EPHB2: variants seen among roughly 807,000 people sequenced by gnomAD.
The protein encoded by EPHB2 is EPH receptor B2, also known as ephrin type-B receptor 2.
EPHB2 carries 18 observed loss-of-function variants against 96.4 expected under a neutral mutation model. That is an observed-to-expected ratio of 0.19 (90% CI 0.13 to 0.28). The LOEUF is 0.28. Ranked by LOEUF, EPHB2 falls within the 10% of genes least tolerant of loss-of-function variation. EPHB2 has a pLI of 1.00. For synonymous variants in EPHB2, 506 were observed against 534.1 expected, an observed-to-expected ratio of 0.95 and a Z score of 0.72; for missense variants, 989 against 1,355.4, an observed-to-expected ratio of 0.73 and a Z score of 4.25.
At chr1:22,843,827 C>T (rs1304831001) in intron 3 of EPHB2, among the ~76,000 whole-genome samples, 1 of 152,260 alleles carries the variant, frequency 6.6e-6, no homozygotes, top group Non-Finnish European at 1.5e-5. Context: ...AGGCGTGGGC[C>T]ACCGTACCCA....
intron 3 of EPHB2, among the ~76,000 whole-genome samples, chr1:22,834,146 G>A (rs568359008): frequency 6.6e-6 from 1 of 152,168 alleles, no homozygotes; most frequent in Non-Finnish European, 1.5e-5. Context: ...AATGGAGTAA[G>A]TAGACACAAA....
At position 22,914,964 on chromosome 1, in the gene EPHB2, A is replaced by C. The variant is rs1414092140; in HGVS notation, c.*1394A>C. On this transcript the variant is annotated 3_prime_UTR_variant, in exon 16 of 16. Transcript: ENST00000374630. Reference sequence around the variant, plus strand: ...AATCTATCTAGTACTTCCCAGGCAAATAGGCCCCTTTGAGGCTCCTGAGTG... The same window carrying C: ...AATCTATCTAGTACTTCCCAGGCAACTAGGCCCCTTTGAGGCTCCTGAGTG... 1 of 152,554 alleles carries C rather than the reference A, an allele frequency of 6.6e-6. No homozygotes were observed. The highest frequency in any genetic ancestry group is 2.4e-5 in the African/African-American group (1 of 41,432). 9.5% of individuals were successfully genotyped at this position (152,554 alleles called of 1,614,324 possible).
At chr1:22,802,828 T>C (rs527466498) in intron 3 of EPHB2, among the ~76,000 whole-genome samples, 4 of 152,130 alleles carry the variant, frequency 2.6e-5, no homozygotes, top group Non-Finnish European at 5.9e-5. Flanking sequence ...CCCCTGCCCC[T>C]CTAGAAATGT....
rs1196878617 is a variant in EPHB2, at chr1:22,733,176, G to A, written c.61+22133G>A. ...CGATTCTCCTGCCTCAGCCTCCTGA[G>A]TAGCTGGGATTACAGGTGCCTGCCA... On this transcript the variant is annotated intron_variant, in intron 1 of 15. Coordinates refer to ENST00000374630, the MANE Select transcript of EPHB2 (RefSeq NM_017449.5). The surrounding 1 kb of genome is among the most constrained non-coding windows in gnomAD (Gnocchi z 4.6). Among the ~76,000 whole-genome samples, 5 of 152,114 alleles carry A rather than the reference G, an allele frequency of 3.3e-5. No individual in the cohort carries two copies. Among genetic ancestry groups the A allele is most frequent in the Non-Finnish European group, 7.4e-5 (5 of 68,026 alleles).
rs1645550662 is a variant in EPHB2, at chr1:22,846,846, G to C, written c.812-16191G>C. Among the ~76,000 whole-genome samples, 1 of 152,166 alleles carries C rather than the reference G, an allele frequency of 6.6e-6. No homozygotes were observed. Among genetic ancestry groups the C allele is most frequent in the Non-Finnish European group, 1.5e-5 (1 of 68,030 alleles). ...CCTCCTCTGGGCTTCCAGACCCAGC[G>C]CCTCTTCCCCACAGGCTTCCCCAGA... On this transcript the variant is annotated intron_variant, in intron 3 of 15. Transcript: ENST00000374630. This position sits in a 1 kb window ranked among gnomAD's most constrained non-coding sequence, Gnocchi z 4.3.
intron 1 of EPHB2, among the ~76,000 whole-genome samples, chr1:22,780,346 C>A (rs999416926): frequency 6.6e-6 from 1 of 152,148 alleles, no homozygotes; most frequent in Non-Finnish European, 1.5e-5. Context: ...GGTCCAGGTG[C>A]TGACATGTCT....
chr1:22,723,883 C>T (rs954280679), intron 1 of EPHB2, among the ~76,000 whole-genome samples: 2 of 152,188 alleles, frequency 1.3e-5, no homozygotes, highest in South Asian at 2.1e-4. Flanking sequence ...AGTAATAATA[C>T]CAGCAGCAAC....
At chr1:22,719,694 T>G (rs1643390376) in intron 1 of EPHB2, 2 of 152,158 alleles carry the variant, frequency 1.3e-5, no homozygotes, top group African/African-American at 4.8e-5. Flanking sequence ...GCCTCAGCTC[T>G]CTCTTCTATA....
chr1:22,883,773 C>T (rs987991450), intron 6 of EPHB2, among the ~76,000 whole-genome samples: 117 of 152,290 alleles, frequency 7.7e-4, no homozygotes, highest in African/African-American at 2.8e-3. Flanking sequence ...CCATTGCTTG[C>T]GTGCGTGTTC....
chr1:22,779,843 A>G (rs1047200779), intron 1 of EPHB2, among the ~76,000 whole-genome samples: 1 of 152,214 alleles, frequency 6.6e-6, no homozygotes, highest in Non-Finnish European at 1.5e-5. Context: ...ATGTGGCCAC[A>G]GTATGGGGAC....
intron 1 of EPHB2, among the ~76,000 whole-genome samples, chr1:22,723,811 G>A (rs1280764634): frequency 1.3e-5 from 2 of 152,204 alleles, no homozygotes; most frequent in East Asian, 1.9e-4. Context: ...TTTTAAAGCA[G>A]TTGTTTTACC....
chr1:22,912,181 T>C (rs1640123986), intron 14 of EPHB2, among the ~76,000 whole-genome samples: 1 of 152,180 alleles, frequency 6.6e-6, no homozygotes, highest in African/African-American at 2.4e-5. Context: ...GTGCCTTCCC[T>C]AGACTTCCCA....
intron 3 of EPHB2, among the ~76,000 whole-genome samples, chr1:22,857,384 A>G (rs1184306162): frequency 2.0e-5 from 3 of 152,112 alleles, no homozygotes; most frequent in South Asian, 2.1e-4. Flanking sequence ...AAAAGTGGGC[A>G]CACACATCAG....
chr1:22,912,837 C>T (rs1279233260), intron 15 of EPHB2: 3 of 559,190 alleles, frequency 5.4e-6, no homozygotes, highest in East Asian at 3.4e-5. Context: ...TCCGTTTTCT[C>T]ACCTACAAAC....
At position 22,913,936 on chromosome 1, in the gene EPHB2, C is replaced by T. The variant is rs751988724; in HGVS notation, c.*366C>T. The T allele has an allele frequency of 1.3e-5, 20 of 1,484,594 alleles. No individual in the cohort carries two copies. The highest frequency in any genetic ancestry group is 1.7e-5 in the Non-Finnish European group (19 of 1,118,180). 92.0% of individuals were successfully genotyped at this position (1,484,594 alleles called of 1,614,324 possible). A position where few individuals can be genotyped will look rare whatever the true frequency, so the allele number is the denominator to read the frequency against. ...ACAAAAGCAGTTTCTCTCCAACTCC[C>T]TCTGGGAAGGTGACCTGGCCAGAGC... On this transcript the variant is annotated 3_prime_UTR_variant, in exon 16 of 16. Coordinates refer to ENST00000374630, the MANE Select transcript of EPHB2 (RefSeq NM_017449.5). This position sits in a 1 kb window ranked among gnomAD's most constrained non-coding sequence, Gnocchi z 4.1.
At chr1:22,804,611 GC>G (rs1553165905) in intron 3 of EPHB2, among the ~76,000 whole-genome samples, 2 of 147,302 alleles carry the variant, frequency 1.4e-5, no homozygotes, top group Non-Finnish European at 3.0e-5. Context: ...GCCCCACCCT[GC>G]CCTGCTCAGT....
intron 3 of EPHB2, among the ~76,000 whole-genome samples, chr1:22,850,514 C>T (rs1020079479): frequency 6.6e-6 from 1 of 152,236 alleles, no homozygotes. Context: ...GGGCCTGGGC[C>T]TGGCCCTGCC....
intron 5 of EPHB2, among the ~76,000 whole-genome samples, chr1:22,869,895 G>A (rs1013272982): frequency 8.5e-5 from 13 of 152,130 alleles, no homozygotes; most frequent in African/African-American, 2.4e-4. Flanking sequence ...ATCGGCACTC[G>A]CAGCACACAA....
chr1:22,823,372 T>C lies in EPHB2; in HGVS notation c.811+38296T>C, dbSNP rs919761807. Among the ~76,000 whole-genome samples the C allele has an allele frequency of 2.6e-5, 4 of 152,384 alleles. No homozygotes were observed. In the East Asian group the frequency reaches 7.7e-4, roughly 29 times the overall value. On this transcript the variant is annotated intron_variant, in intron 3 of 15. Transcript: ENST00000374630. ...AGAACACTGGGTTTGGCTTTCTCTT[T>C]ACTTGTGTGTCTCTTCAGCCAGTGC...
Sources: allele counts gnomAD v4.1 joint callset (sites outside exome capture counted in the v4.1 genomes callset), GRCh38; gene constraint gnomAD v4.1.1; non-coding constraint Gnocchi (gnomAD v3.1); transcripts MANE v1.5; gene names NCBI Gene and HGNC (gene_info 2026-07-23, HGNC 2026-07-21).